Variants in CWF19L2 observed in about 807,000 individuals in gnomAD.
CWF19L2 encodes CWF19-like protein 2.
Under a neutral mutation model 111.7 loss-of-function variants are expected in CWF19L2, and 98 were observed. The observed-to-expected ratio is 0.88, with a 90% CI of 0.75 to 1.04. CWF19L2 has a LOEUF of 1.04. CWF19L2 is among the 50% of genes least tolerant of loss of function. The pLI is 0.00. For synonymous variants in CWF19L2, 351 were observed against 342.9 expected, an observed-to-expected ratio of 1.02 and a Z score of -0.26; for missense variants, 1,101 against 1,051.4, an observed-to-expected ratio of 1.05 and a Z score of -0.65.
Position 107,373,479 on chromosome 11 carries a change from C to A in CWF19L2, c.1872+16595G>T, listed in dbSNP as rs1349490987. Among the ~76,000 whole-genome samples, 7 of 114,116 alleles carry A rather than the reference C, an allele frequency of 6.1e-5. 3 individuals carry two copies. Among genetic ancestry groups the A allele is most frequent in the African/African-American group, 2.3e-4 (7 of 29,978 alleles). The allele number at this position is 114,116 out of a possible 152,430, so 74.9% of individuals were successfully genotyped here. ...TCCCTGACCCCTGACCCCCGAGCAG[C>A]CTAACTGGGAGGCACCCCCCAGGAG... On this transcript the variant is annotated intron_variant, in intron 12 of 17. Coordinates refer to ENST00000282251, the MANE Select transcript of CWF19L2 (RefSeq NM_152434.3).
Position 107,433,652 on chromosome 11 carries a change from A to G in CWF19L2, c.762T>C (p.Ile254=). ...TACTCACCCCATATCTTTCGGCTAC[A>G]ATGTCCTCAAAGTTTCTACTTTGTT... ...AEKQSRNFED[I]VAERYGSMEI... The change falls in exon 7 of 18, where the codon ATT becomes ATC. Residue 254 remains isoleucine (I), a synonymous_variant. Transcript: ENST00000282251. 6.4e-7 allele frequency: 1 copy of G among 1,564,764 alleles called. No individual in the cohort carries two copies. Among genetic ancestry groups the G allele is most frequent in the South Asian group, 1.2e-5 (1 of 84,750 alleles).
At chr11:107,356,625 A>C (rs1428865134) in intron 12 of CWF19L2, among the ~76,000 whole-genome samples, 4 of 152,264 alleles carry the variant, frequency 2.6e-5, no homozygotes, top group South Asian at 4.1e-4. Flanking sequence ...CATTCTAAAA[A>C]ATATCAGAAC....
At chr11:107,384,993 A>C (rs988166906) in intron 12 of CWF19L2, among the ~76,000 whole-genome samples, 4 of 152,220 alleles carry the variant, frequency 2.6e-5, no homozygotes, top group Non-Finnish European at 4.4e-5. Context: ...ATTACTATCA[A>C]AAATTCAATA....
chr11:107,405,850 AAAG>A (rs3050912), intron 10 of CWF19L2, among the ~76,000 whole-genome samples: 12 of 141,848 alleles, frequency 8.5e-5, no homozygotes, highest in East Asian at 2.0e-4. Flanking sequence ...AAAAAAAAAA[AAAG>A]AAGAAGAAGA....
intron 7 of CWF19L2, among the ~76,000 whole-genome samples, 153 bp downstream of exon 7, chr11:107,433,479 CAT>C (rs1196734302): frequency 4.6e-5 from 7 of 151,950 alleles, no homozygotes; most frequent in African/African-American, 9.7e-5. Context: ...AAATATGATA[CAT>C]GTTTAATAAT....
intron 12 of CWF19L2, among the ~76,000 whole-genome samples, chr11:107,370,808 T>TC (rs1860496450): frequency 7.3e-6 from 1 of 137,290 alleles, no homozygotes; most frequent in African/African-American, 2.9e-5. Context: ...CATTAGAATA[T>TC]TTGTATGTCC....
chr11:107,422,363 C>T (rs1861314045), intron 8 of CWF19L2, among the ~76,000 whole-genome samples: 1 of 151,906 alleles, frequency 6.6e-6, no homozygotes, highest in Non-Finnish European at 1.5e-5. Flanking sequence ...AACCAACTCC[C>T]ACGAATTCCA....
In CWF19L2 at chr11:107,439,035, G is replaced by GGAAA. The variant is rs535986999; in HGVS notation, c.664+54_664+55insTTTC. ...GGCTGACAGAGCGAGACTCTGTCTC[G>GGAAA]AAAAAAAAAAAAAAAAAAAAACCCT... On this transcript the variant is annotated intron_variant, in intron 6 of 17. Transcript: ENST00000282251. The GGAAA allele has an allele frequency of 6.3e-3, 1,840 of 292,188 alleles. 51 individuals are homozygous for GGAAA. The African/African-American group carries it at 0.086, about 14-fold the overall frequency. The allele number at this position is 292,188 out of a possible 1,614,324, so 18.1% of individuals were successfully genotyped here.
intron 3 of CWF19L2, among the ~76,000 whole-genome samples, chr11:107,450,306 T>C (rs747868199): frequency 1.3e-5 from 2 of 152,078 alleles, no homozygotes; most frequent in Non-Finnish European, 2.9e-5. Flanking sequence ...ACTGAAATTA[T>C]ACAGAGTACA....
At chr11:107,350,223 A>G (rs189258108) in intron 13 of CWF19L2, among the ~76,000 whole-genome samples, 5 of 152,288 alleles carry the variant, frequency 3.3e-5, no homozygotes, top group African/African-American at 1.2e-4. Flanking sequence ...CTGAGGGCCA[A>G]TTACATGCTG....
At chr11:107,395,579 T>C (rs1309654765) in intron 10 of CWF19L2, among the ~76,000 whole-genome samples, 2 of 152,230 alleles carry the variant, frequency 1.3e-5, no homozygotes, top group Non-Finnish European at 1.5e-5. Flanking sequence ...TCCTACACCA[T>C]AGTCTAAATA....
intron 3 of CWF19L2, among the ~76,000 whole-genome samples, chr11:107,449,669 T>C (rs191257055): frequency 2.1e-3 from 325 of 152,040 alleles, no homozygotes; most frequent in Non-Finnish European, 3.7e-3. Context: ...AGTTAAAATA[T>C]GCATAAGACT....
chr11:107,450,665 T>C (rs1044273300), intron 3 of CWF19L2, among the ~76,000 whole-genome samples: 3 of 152,030 alleles, frequency 2.0e-5, no homozygotes, highest in East Asian at 1.9e-4. Context: ...AAAAGGTACA[T>C]TAAAACTAAA....
intron 10 of CWF19L2, among the ~76,000 whole-genome samples, chr11:107,396,903 A>G (rs11212203): frequency 0.057 from 8,713 of 152,210 alleles, 304 homozygotes; most frequent in East Asian, 0.1. Context: ...CCCCAACTGG[A>G]GAAGTTGAAG....
intron 6 of CWF19L2, among the ~76,000 whole-genome samples, chr11:107,436,560 T>G (rs1165776937): frequency 1.3e-5 from 2 of 152,226 alleles, no homozygotes; most frequent in African/African-American, 4.8e-5. Context: ...TTTGGACCTT[T>G]GCTCCTTCAT....
At chr11:107,442,798 G>A (rs879387769) in intron 4 of CWF19L2, 141 bp downstream of exon 4, 61,288 of 263,962 alleles carry the variant, frequency 0.23, 8,022 homozygotes, top group Middle Eastern at 0.31. Flanking sequence ...AAGGAAGGGA[G>A]GGAGGGAGGG....
chr11:107,457,659 A>C, intron 1 of CWF19L2, 53 bp downstream of exon 1: 937 of 1,174,226 alleles, frequency 8.0e-4, no homozygotes, highest in Non-Finnish European at 1.1e-3. Context: ...GCTTACGGGA[A>C]CCCTCAACTC....
chr11:107,332,682 GTTCAT>G (rs1429519997), intron 16 of CWF19L2, among the ~76,000 whole-genome samples: 1 of 152,164 alleles, frequency 6.6e-6, no homozygotes, highest in South Asian at 2.1e-4. Flanking sequence ...ACTCAGTATT[GTTCAT>G]TTCATGTTCA....
chr11:107,446,154 T>TTTATTA (rs1861699559), intron 3 of CWF19L2, among the ~76,000 whole-genome samples: 1 of 152,220 alleles, frequency 6.6e-6, no homozygotes, highest in Non-Finnish European at 1.5e-5. Context: ...GATTTTCTAA[T>TTTATTA]AAATGCAGCT....
Sources: allele counts gnomAD v4.1 joint callset (sites outside exome capture counted in the v4.1 genomes callset), GRCh38; gene constraint gnomAD v4.1.1; transcripts MANE v1.5; gene names NCBI Gene and HGNC (gene_info 2026-07-23, HGNC 2026-07-21).